PPP1R16B: variants seen among roughly 807,000 people sequenced by gnomAD.
PPP1R16B encodes protein phosphatase 1 regulatory subunit 16B.
Under a neutral mutation model 61.7 loss-of-function variants are expected in PPP1R16B, and 14 were observed. That is an observed-to-expected ratio of 0.23 (90% CI 0.15 to 0.35). PPP1R16B has a LOEUF of 0.35. Ranked by LOEUF, PPP1R16B falls within the 10% of genes least tolerant of loss-of-function variation. The pLI is 1.00. For missense variants in PPP1R16B, 547 were observed against 752.5 expected, an observed-to-expected ratio of 0.73 and a Z score of 3.19; for synonymous variants, 266 against 305.3, an observed-to-expected ratio of 0.87 and a Z score of 1.34.
intron 1 of PPP1R16B, among the ~76,000 whole-genome samples, chr20:38,809,768 C>T (rs2084686327): frequency 6.6e-6 from 1 of 151,980 alleles, no homozygotes; most frequent in African/African-American, 2.4e-5. Flanking sequence ...CTGATTGACT[C>T]CAGGAGTTCG....
At chr20:38,812,392 G>A (rs1055229390) in intron 1 of PPP1R16B, among the ~76,000 whole-genome samples, 1 of 152,192 alleles carries the variant, frequency 6.6e-6, no homozygotes, top group Non-Finnish European at 1.5e-5. Context: ...CCACTGAATG[G>A]CTATTTTCCA....
chr20:38,807,890 G>A (rs1288540030), intron 1 of PPP1R16B, among the ~76,000 whole-genome samples: 1 of 151,854 alleles, frequency 6.6e-6, no homozygotes, highest in African/African-American at 2.4e-5. Flanking sequence ...CAAGGGCCCC[G>A]TGCCATCTGT....
At chr20:38,852,783 TA>T (rs2084978337) in intron 2 of PPP1R16B, among the ~76,000 whole-genome samples, 1 of 20,350 alleles carries the variant, frequency 4.9e-5, no homozygotes. Flanking sequence ...GGGGTGGGGG[TA>T]GCATGGGGGG....
chr20:38,810,045 A>C (rs1277269855), intron 1 of PPP1R16B, among the ~76,000 whole-genome samples: 1 of 151,048 alleles, frequency 6.6e-6, no homozygotes, highest in Admixed American at 6.6e-5. Context: ...TGGGCTTTCT[A>C]GATATTAATA....
intron 1 of PPP1R16B, among the ~76,000 whole-genome samples, chr20:38,817,031 C>A (rs1253939162): frequency 2.0e-5 from 3 of 152,232 alleles, no homozygotes; most frequent in Admixed American, 2.0e-4. Flanking sequence ...TGTCCACCCT[C>A]TCCCACGTAT....
intron 2 of PPP1R16B, among the ~76,000 whole-genome samples, chr20:38,887,197 C>G (rs1231141728): frequency 6.6e-6 from 1 of 152,142 alleles, no homozygotes; most frequent in Non-Finnish European, 1.5e-5. Context: ...TCAGAGGCCA[C>G]AAGAAGTGAT....
chr20:38,813,012 T>A (rs945794861), intron 1 of PPP1R16B, among the ~76,000 whole-genome samples: 3 of 152,106 alleles, frequency 2.0e-5, no homozygotes, highest in African/African-American at 4.8e-5. Flanking sequence ...AACTGCACTT[T>A]GAGAAGCAAG....
intron 1 of PPP1R16B, among the ~76,000 whole-genome samples, chr20:38,821,519 A>G (rs993613192): frequency 6.6e-6 from 1 of 152,234 alleles, no homozygotes; most frequent in African/African-American, 2.4e-5. Flanking sequence ...TCAGAGAAGA[A>G]GAGCTGGTCT....
rs1043059234 is a variant in PPP1R16B, at chr20:38,821,036, G to A, written c.-101-14789G>A. ...AGCCTGGGTGACAGAGCAAGACTCC[G>A]TCTCAAAAAAAAAAAAAAAAAAATT... On this transcript the variant is annotated intron_variant, in intron 1 of 10. Coordinates refer to ENST00000299824, the MANE Select transcript of PPP1R16B (RefSeq NM_015568.4). Among the ~76,000 whole-genome samples, 43 of 83,446 alleles carry A rather than the reference G, an allele frequency of 5.2e-4. No homozygotes were observed. In the South Asian group the frequency reaches 0.021, roughly 40 times the overall value. 54.7% of individuals were successfully genotyped at this position (83,446 alleles called of 152,430 possible).
chr20:38,855,992 A>AGGAGGAGGAGGAG (rs1323184981), intron 2 of PPP1R16B, among the ~76,000 whole-genome samples: 1 of 121,176 alleles, frequency 8.3e-6, no homozygotes, highest in Non-Finnish European at 1.7e-5. Context: ...AAGGAGGAGG[A>AGGAGGAGGAGGAG]GAGAGACCAG....
At chr20:38,911,164 TC>T (rs1434377548) in intron 10 of PPP1R16B, among the ~76,000 whole-genome samples, 2 of 145,292 alleles carry the variant, frequency 1.4e-5, no homozygotes, top group South Asian at 2.2e-4. Context: ...GTTTTTTTTT[TC>T]TTTTTCTTTT....
At chr20:38,838,552 G>A (rs1039542398) in intron 2 of PPP1R16B, 1 of 152,358 alleles carries the variant, frequency 6.6e-6, no homozygotes, top group Admixed American at 6.5e-5. Context: ...TCTTGGGCTT[G>A]GGGACATGGC....
chr20:38,855,826 G>A (rs893547885), intron 2 of PPP1R16B, among the ~76,000 whole-genome samples: 2 of 148,668 alleles, frequency 1.3e-5, no homozygotes, highest in Non-Finnish European at 3.0e-5. Flanking sequence ...CTGCAGCCCA[G>A]ACTAAAGGCC....
chr20:38,903,563 A>G (rs552751615), intron 6 of PPP1R16B, among the ~76,000 whole-genome samples: 28 of 147,020 alleles, frequency 1.9e-4, no homozygotes, highest in Non-Finnish European at 1.6e-4. Context: ...CCATCCATCC[A>G]TCCGTCCGTC....
At chr20:38,845,916 G>A (rs1295326305) in intron 2 of PPP1R16B, among the ~76,000 whole-genome samples, 1 of 152,204 alleles carries the variant, frequency 6.6e-6, no homozygotes, top group African/African-American at 2.4e-5. Flanking sequence ...CTCATGAGAA[G>A]CCCTCACAGT....
intron 2 of PPP1R16B, among the ~76,000 whole-genome samples, chr20:38,887,853 C>T (rs1430548684): frequency 1.3e-5 from 2 of 152,186 alleles, no homozygotes; most frequent in South Asian, 2.1e-4. Context: ...CGCAGGGCCT[C>T]GGTTCACACT....
chr20:38,880,903 T>C (rs1601284720), intron 2 of PPP1R16B, among the ~76,000 whole-genome samples: 1 of 152,352 alleles, frequency 6.6e-6, no homozygotes, highest in East Asian at 1.9e-4. Flanking sequence ...TTTTCCACAG[T>C]GCTGTGCCAT....
At position 38,918,150 on chromosome 20, in the gene PPP1R16B, C is replaced by T. The variant is rs963072396; in HGVS notation, c.1195-7C>T. 1.9e-6 allele frequency: 3 copies of T among 1,612,430 alleles called. No homozygotes were observed. The highest frequency in any genetic ancestry group is 2.7e-5 in the African/African-American group (2 of 74,900). On this transcript the variant is annotated splice_region_variant and splice_polypyrimidine_tract_variant and intron_variant, in intron 10 of 10. Transcript: ENST00000299824. This position sits in a 1 kb window ranked among gnomAD's most constrained non-coding sequence, Gnocchi z 5.3. ...CCAGCTGGTAATGTTGTCCTTCTCA[C>T]TCGCAGAACCCCAGGCTGGAGAAGC...
intron 2 of PPP1R16B, 77 bp from the exon 3 acceptor site, chr20:38,889,518 G>C: frequency 7.9e-7 from 1 of 1,259,124 alleles, no homozygotes; most frequent in Non-Finnish European, 1.2e-6. Flanking sequence ...GGGGGAGAGC[G>C]GGTCTTACCC....
Sources: gnomAD v4.1 joint callset for allele counts (sites outside exome capture counted in the v4.1 genomes callset) on GRCh38, gnomAD v4.1.1 for gene constraint, Gnocchi (gnomAD v3.1) non-coding constraint, MANE v1.5 for transcripts, NCBI Gene and HGNC (gene_info 2026-07-23, HGNC 2026-07-21) for gene names.